FOXP2: variants seen among roughly 807,000 people sequenced by gnomAD.
The protein encoded by FOXP2 is forkhead box protein P2.
FOXP2 carries 12 observed loss-of-function variants against 115.8 expected under a neutral mutation model. The ratio of observed to expected loss-of-function variants is 0.10; its 90% CI spans 0.07 to 0.17. The LOEUF (loss-of-function observed/expected upper bound fraction) is 0.17. Ranked by LOEUF, FOXP2 falls within the 10% of genes least tolerant of loss-of-function variation. The pLI, the probability that FOXP2 is intolerant of heterozygous loss-of-function variation, is 1.00. For synonymous variants in FOXP2, 328 were observed against 297.7 expected (o/e 1.10, Z -1.05); for missense variants, 629 against 843.5 (o/e 0.75, Z 3.15).
At chr7:114,146,258 A>G (rs1255646814) in intron 1 of FOXP2, among the ~76,000 whole-genome samples, 1 of 152,248 alleles carries the variant, frequency 6.6e-6, no homozygotes, top group African/African-American at 2.4e-5. Context: ...GCAGTAGCGT[A>G]TAAATAACTC....
chr7:114,476,043 T>C (rs1221303636), intron 2 of FOXP2, among the ~76,000 whole-genome samples: 1 of 151,702 alleles, frequency 6.6e-6, no homozygotes, highest in African/African-American at 2.4e-5. Flanking sequence ...TTTACAAATA[T>C]CTTCTGTCAT....
intron 2 of FOXP2, among the ~76,000 whole-genome samples, chr7:114,385,048 C>T (rs544888795): frequency 6.6e-6 from 1 of 151,802 alleles, no homozygotes; most frequent in Non-Finnish European, 1.5e-5. Flanking sequence ...CTCTCTCCCC[C>T]CCTCTCTCTC....
chr7:114,671,604 G>T (rs1459099368), intron 16 of FOXP2, among the ~76,000 whole-genome samples: 4 of 151,976 alleles, frequency 2.6e-5, no homozygotes, highest in African/African-American at 7.3e-5. Context: ...TTCTCTAACG[G>T]TCAAAAAATG....
intron 2 of FOXP2, among the ~76,000 whole-genome samples, chr7:114,343,905 T>C (rs1207597017): frequency 1.3e-5 from 2 of 151,706 alleles, no homozygotes; most frequent in Non-Finnish European, 3.0e-5. Flanking sequence ...TACTCATTTA[T>C]GATGTTTATT....
chr7:114,473,707 G>A (rs1442478117), intron 2 of FOXP2, among the ~76,000 whole-genome samples: 7 of 151,972 alleles, frequency 4.6e-5, no homozygotes, highest in Admixed American at 1.3e-4. Context: ...GTAGCATCTG[G>A]GATTAATGTG....
intron 1 of FOXP2, among the ~76,000 whole-genome samples, chr7:114,125,251 G>C (rs1283442090): frequency 6.6e-6 from 1 of 152,138 alleles, no homozygotes; most frequent in Admixed American, 6.6e-5. Flanking sequence ...ATGAATGAAT[G>C]ACTGTCCTAT....
At chr7:114,193,467 TATA>T (rs1793819607) in intron 1 of FOXP2, among the ~76,000 whole-genome samples, 1 of 151,764 alleles carries the variant, frequency 6.6e-6, no homozygotes, top group African/African-American at 2.4e-5. Context: ...ATACATGTTA[TATA>T]ATATTTTATC....
chr7:114,174,471 A>G (rs1323366760), intron 1 of FOXP2, among the ~76,000 whole-genome samples: 2 of 152,070 alleles, frequency 1.3e-5, no homozygotes, highest in African/African-American at 4.8e-5. Flanking sequence ...GGGATCTGAT[A>G]GATATTTATG....
chr7:114,427,677 C>T (rs1793919328), intron 2 of FOXP2, among the ~76,000 whole-genome samples: 1 of 151,402 alleles, frequency 6.6e-6, no homozygotes, highest in African/African-American at 2.4e-5. Context: ...TGAAATAATT[C>T]ACATTTTAAG....
intron 1 of FOXP2, among the ~76,000 whole-genome samples, chr7:114,214,592 A>G (rs1416971231): frequency 6.6e-6 from 1 of 152,200 alleles, no homozygotes; most frequent in Non-Finnish European, 1.5e-5. Flanking sequence ...TGCAGTAACA[A>G]TCAAGACACG....
chr7:114,422,221 CAT>C (rs1352724951), intron 1 of FOXP2, among the ~76,000 whole-genome samples: 1 of 151,652 alleles, frequency 6.6e-6, no homozygotes, highest in Non-Finnish European at 1.5e-5. Flanking sequence ...AGATATTAGA[CAT>C]AAAGTGTCTT....
Position 114,659,403 on chromosome 7 carries a change from C to T in FOXP2, c.1516C>T (p.Pro506Ser). ...EFYKNADVRPPFTYATLIRQA... is the reference protein window; with the variant it reads ...EFYKNADVRPSFTYATLIRQA... Reference sequence around the variant, plus strand: ...TTATAAAAATGCAGATGTCAGACCTCCATTTACTTATGCAACTCTCATAAG... The same window carrying T: ...TTATAAAAATGCAGATGTCAGACCTTCATTTACTTATGCAACTCTCATAAG... Residue 506 changes from proline to serine, a missense_variant, in exon 12 of 17, where the codon CCA (proline) becomes TCA (serine). Physicochemically the swap from Pro to Ser is moderately conservative, Grantham distance 74 (BLOSUM62 -1). This residue lies in a region of FOXP2 where 26 missense variants were observed against 61.1 expected (regional missense o/e 0.43). Coordinates refer to ENST00000350908, the MANE Select transcript of FOXP2 (RefSeq NM_014491.4). 1 of 1,613,386 alleles carries T rather than the reference C, an allele frequency of 6.2e-7. No individual in the cohort carries two copies. Among genetic ancestry groups the T allele is most frequent in the Non-Finnish European group, 8.5e-7 (1 of 1,179,530 alleles).
intron 2 of FOXP2, among the ~76,000 whole-genome samples, chr7:114,386,351 T>A (rs537145992): frequency 3.3e-5 from 5 of 152,318 alleles, no homozygotes; most frequent in South Asian, 2.1e-4. Flanking sequence ...TTTAAAAAAA[T>A]TTTAAGCTTT....
intron 16 of FOXP2, chr7:114,668,812 C>G (rs1234546415): frequency 6.6e-6 from 1 of 152,044 alleles, no homozygotes; most frequent in Admixed American, 6.6e-5. Flanking sequence ...AGTAAGCATT[C>G]AGTAAAAGTA....
intron 1 of FOXP2, among the ~76,000 whole-genome samples, chr7:114,221,805 A>T (rs1326195145): frequency 6.6e-6 from 1 of 152,164 alleles, no homozygotes; most frequent in Non-Finnish European, 1.5e-5. Flanking sequence ...AGGCTCTAAG[A>T]CTTCTAGCCT....
chr7:114,101,987 T>G (rs933855077), intron 1 of FOXP2, among the ~76,000 whole-genome samples: 5 of 151,736 alleles, frequency 3.3e-5, no homozygotes, highest in African/African-American at 1.2e-4. Context: ...CTCAGTTATC[T>G]GATGATAATC....
intron 1 of FOXP2, among the ~76,000 whole-genome samples, chr7:114,271,824 T>C (rs1796059679): frequency 8.3e-6 from 1 of 120,906 alleles, no homozygotes; most frequent in African/African-American, 3.3e-5. Flanking sequence ...ATAATATAAA[T>C]ATATGAAATA....
At chr7:114,145,431 T>TTTTTCTCTTCTCTTTTCTTTTC (rs767281325) in intron 1 of FOXP2, among the ~76,000 whole-genome samples, 1 of 100,446 alleles carries the variant, frequency 1.0e-5, no homozygotes, top group Non-Finnish European at 2.2e-5. Flanking sequence ...GCTTTGCCAT[T>TTTTTCTCTTCTCTTTTCTTTTC]TTTTCTTTTC....
At chr7:114,434,082 A>C (rs1466979841) in intron 2 of FOXP2, among the ~76,000 whole-genome samples, 1 of 151,998 alleles carries the variant, frequency 6.6e-6, no homozygotes, top group Non-Finnish European at 1.5e-5. Flanking sequence ...GATTCAGGGA[A>C]TGAACCATTA....
Sources: allele counts gnomAD v4.1 joint callset (sites outside exome capture counted in the v4.1 genomes callset), GRCh38; gene constraint gnomAD v4.1.1; regional missense constraint gnomAD v4.1.1; transcripts MANE v1.5; gene names NCBI Gene and HGNC (gene_info 2026-07-23, HGNC 2026-07-21).